NAV2: variants seen among roughly 807,000 people sequenced by gnomAD.
NAV2 encodes neuron navigator 2, also known as helicase, APC down-regulated 1.
In NAV2, 54 loss-of-function variants were observed where a neutral mutation model predicts 223.2. That is an observed-to-expected ratio of 0.24 (90% CI 0.19 to 0.30). NAV2 has a LOEUF of 0.30. NAV2 is among the 10% of genes least tolerant of loss of function. The pLI is 1.00. For synonymous variants in NAV2, 1,279 were observed against 1,239.3 expected (o/e 1.03, Z -0.67); for missense variants, 2,806 against 3,147.5 (o/e 0.89, Z 2.60).
intron 35 of NAV2, among the ~76,000 whole-genome samples, chr11:20,106,487 G>T (rs1423805679): frequency 1.2e-4 from 17 of 142,438 alleles, no homozygotes; most frequent in African/African-American, 4.1e-4. Flanking sequence ...TTGAACCCAG[G>T]AGGCGGAGGC....
At chr11:19,932,521 G>A (rs2045474389) in intron 6 of NAV2, among the ~76,000 whole-genome samples, 1 of 152,154 alleles carries the variant, frequency 6.6e-6, no homozygotes, top group African/African-American at 2.4e-5. Flanking sequence ...GTTTCACCAT[G>A]TTGGCCAGGC....
At chr11:19,396,447 T>A (rs1849452675) in intron 1 of NAV2, among the ~76,000 whole-genome samples, 2 of 152,210 alleles carry the variant, frequency 1.3e-5, no homozygotes, top group African/African-American at 4.8e-5. Flanking sequence ...CAGTGTGCAT[T>A]TTCTGTGAAG....
chr11:19,644,070 G>GCA (rs1554983528), intron 1 of NAV2, among the ~76,000 whole-genome samples: 57 of 151,784 alleles, frequency 3.8e-4, no homozygotes, highest in Non-Finnish European at 6.8e-4. Context: ...CTGTGTGCGT[G>GCA]TGTGCATGTG....
chr11:19,964,963 G>T (rs1200500890), intron 10 of NAV2, among the ~76,000 whole-genome samples: 1 of 151,862 alleles, frequency 6.6e-6, no homozygotes, highest in Non-Finnish European at 1.5e-5. Context: ...GGGATTACAG[G>T]TGCGTGCCAC....
At chr11:19,845,525 A>G (rs1027501644) in intron 3 of NAV2, among the ~76,000 whole-genome samples, 1 of 152,206 alleles carries the variant, frequency 6.6e-6, no homozygotes, top group African/African-American at 2.4e-5. Context: ...GGGCCCTTTA[A>G]TAATAGAGAC....
At chr11:19,557,712 C>T (rs749028973) in intron 1 of NAV2, among the ~76,000 whole-genome samples, 5 of 152,342 alleles carry the variant, frequency 3.3e-5, no homozygotes, top group South Asian at 2.1e-4. Flanking sequence ...ATGGGATCCA[C>T]ACCGAACACA....
chr11:20,100,859 G>T, intron 31 of NAV2, 78 bp from the exon 32 acceptor site: 1 of 1,240,434 alleles, frequency 8.1e-7, no homozygotes, highest in South Asian at 1.3e-5. Context: ...CTCAGGTCTT[G>T]GCAGTCCCAG....
chr11:19,978,605 A>G (rs752991681), intron 10 of NAV2: 1 of 148,014 alleles, frequency 6.8e-6, no homozygotes, highest in Non-Finnish European at 1.5e-5. Context: ...ATTATGTAGG[A>G]TTGATTTGTT....
At chr11:19,402,415 G>A (rs1849725411) in intron 1 of NAV2, among the ~76,000 whole-genome samples, 1 of 152,192 alleles carries the variant, frequency 6.6e-6, no homozygotes, top group Non-Finnish European at 1.5e-5. Context: ...CACTTTGTAA[G>A]TATTAGTTTC....
upstream of NAV2, among the ~76,000 whole-genome samples, chr11:19,710,695 T>C (rs1456971933): frequency 3.3e-5 from 5 of 152,234 alleles, no homozygotes; most frequent in African/African-American, 9.6e-5. Context: ...AAGCTGAAGA[T>C]TGTGATATCT....
At position 19,850,661 on chromosome 11, in the gene NAV2, C is replaced by T. The variant is rs138748337; in HGVS notation, c.438+7738C>T. ...TCTTCCTCAGTTTATCCAGAGGACC[C>T]AAATAGAACATTGTAATTACTCTCA... On this transcript the variant is annotated intron_variant, in intron 3 of 37. Transcript: ENST00000349880. 7.8e-3 allele frequency among the ~76,000 whole-genome samples: 1,187 copies of T among 152,224 alleles called. 13 individuals are homozygous for T. The highest frequency in any genetic ancestry group is 0.027 in the African/African-American group (1,129 of 41,540).
chr11:19,803,857 C>G (rs1475944584), intron 1 of NAV2, among the ~76,000 whole-genome samples: 1 of 152,208 alleles, frequency 6.6e-6, no homozygotes, highest in East Asian at 1.9e-4. Context: ...CGTGTGTTTC[C>G]TCTGCCTCGC....
In NAV2 at chr11:19,545,767, T is replaced by TTC. The variant is rs72397877; in HGVS notation, c.75+194741_75+194742insCT. ...ACACTTTGGGATTTTTTTTGCAGGT[T>TTC]TTTTTTTAGCTCATCAGCTATTGTT... On this transcript the variant is annotated intron_variant, in intron 1 of 37. Transcript: ENST00000360655. Among the ~76,000 whole-genome samples the TTC allele has an allele frequency of 7.9e-3, 1,191 of 151,676 alleles. 15 individuals are homozygous for TTC. Among genetic ancestry groups the TTC allele is most frequent in the African/African-American group, 0.027 (1,117 of 41,144 alleles).
At chr11:19,511,301 G>A (rs2043272424) in intron 1 of NAV2, 1 of 152,250 alleles carries the variant, frequency 6.6e-6, no homozygotes, top group Admixed American at 6.5e-5. Context: ...CTGGCAGGCA[G>A]ACAAACCCCA....
chr11:19,832,095 G>A (rs972063915), intron 1 of NAV2, among the ~76,000 whole-genome samples: 3 of 152,082 alleles, frequency 2.0e-5, no homozygotes, highest in East Asian at 1.9e-4. Flanking sequence ...CTCCCCATAC[G>A]TTTTCTCAAT....
intron 1 of NAV2, among the ~76,000 whole-genome samples, chr11:19,665,524 T>C (rs1238892342): frequency 6.6e-6 from 1 of 152,228 alleles, no homozygotes; most frequent in Non-Finnish European, 1.5e-5. Context: ...GAACTGGCTC[T>C]TCTGTAAAAT....
intron 11 of NAV2, among the ~76,000 whole-genome samples, chr11:20,016,765 G>C (rs2054039109): frequency 6.6e-6 from 1 of 151,726 alleles, no homozygotes; most frequent in African/African-American, 2.4e-5. Flanking sequence ...GGAGGCCAAG[G>C]AAGGCAGATT....
intron 1 of NAV2, among the ~76,000 whole-genome samples, chr11:19,791,495 G>A (rs1238172729): frequency 6.6e-6 from 1 of 152,182 alleles, no homozygotes; most frequent in Non-Finnish European, 1.5e-5. Context: ...GCTGTTCAAA[G>A]GAGCATCTTA....
intron 11 of NAV2, among the ~76,000 whole-genome samples, chr11:20,022,042 C>T (rs1397879091): frequency 6.6e-6 from 1 of 152,208 alleles, no homozygotes; most frequent in Non-Finnish European, 1.5e-5. Context: ...ACTGGAGAGG[C>T]CACCCTGGCC....
Sources: allele counts gnomAD v4.1 joint callset (sites outside exome capture counted in the v4.1 genomes callset), GRCh38; gene constraint gnomAD v4.1.1; transcripts MANE v1.5; gene names NCBI Gene and HGNC (gene_info 2026-07-23, HGNC 2026-07-21).